The following CERT1 variants were observed in gnomAD, a reference collection of about 807,000 sequenced individuals.
CERT1 encodes the protein ceramide transporter 1.
A neutral mutation model predicts 87.9 loss-of-function variants in CERT1; 31 were observed. The ratio of observed to expected loss-of-function variants is 0.35; its 90% confidence interval spans 0.27 to 0.48. The LOEUF is 0.48. Among genes scored for constraint, CERT1 ranks in the 20% least tolerant of loss-of-function variants. CERT1 has a pLI of 0.99. For synonymous variants in CERT1, 289 were observed against 250.9 expected (o/e 1.15, Z -1.44); for missense variants, 487 against 758.0 (o/e 0.64, Z 4.20).
At chr5:75,381,285 A>G (rs756017060) in intron 15 of CERT1, 84 bp from the exon 16 acceptor site, 4 of 1,455,524 alleles carry the variant, frequency 2.7e-6, no homozygotes, top group Non-Finnish European at 2.9e-6. Context: ...GGTTAACCAA[A>G]ATCGTAACTC....
At chr5:75,443,821 GTC>G (rs1764421007) in intron 3 of CERT1, among the ~76,000 whole-genome samples, 1 of 152,054 alleles carries the variant, frequency 6.6e-6, no homozygotes, top group Non-Finnish European at 1.5e-5. Flanking sequence ...TATTTTGATG[GTC>G]TGTCATTAGA....
chr5:75,498,310 A>C (rs1480934529), intron 2 of CERT1, among the ~76,000 whole-genome samples: 1 of 152,224 alleles, frequency 6.6e-6, no homozygotes, highest in East Asian at 1.9e-4. Context: ...CATAAGTAAC[A>C]AGGAGCTAAA....
At chr5:75,410,460 A>T (rs566698682) in intron 8 of CERT1, among the ~76,000 whole-genome samples, 1 of 152,160 alleles carries the variant, frequency 6.6e-6, no homozygotes, top group East Asian at 1.9e-4. Context: ...ATACAAAAAA[A>T]TTAGCCAGGC....
In CERT1 at chr5:75,506,032, T is replaced by A; in HGVS notation, c.181A>T (p.Thr61Ser). The A allele has an allele frequency of 6.2e-7, 1 of 1,613,814 alleles. No homozygotes were observed. Among genetic ancestry groups the A allele is most frequent in the Non-Finnish European group, 8.5e-7 (1 of 1,179,756 alleles). ...ATGGATCCTCTGCAGCCATACTCTG[T>A]TTCATCTTCAGATTTGTAGTAACTC... ...ALSYYKSEDETEYGCRGSICL... is the reference protein window; with the variant it reads ...ALSYYKSEDESEYGCRGSICL... Residue 61 changes from threonine (T) to serine (S), a missense_variant, in exon 2 of 17, where the codon ACA (threonine) becomes TCA (serine). By Grantham distance (58) the Thr-to-Ser change is moderately conservative. Transcript: ENST00000643780.
downstream of CERT1, chr5:75,375,306 G>C (rs185305912): frequency 6.6e-6 from 1 of 152,096 alleles, no homozygotes; most frequent in East Asian, 1.9e-4. Context: ...TTTTACTGGC[G>C]GGGCTAGGTG....
At chr5:75,482,310 G>A (rs1047141432) in intron 2 of CERT1, among the ~76,000 whole-genome samples, 3 of 152,150 alleles carry the variant, frequency 2.0e-5, no homozygotes, top group Non-Finnish European at 2.9e-5. Context: ...GTTAACACAC[G>A]AAGGCACTCT....
At chr5:75,450,431 A>G (rs775849673) in intron 3 of CERT1, among the ~76,000 whole-genome samples, 4 of 152,200 alleles carry the variant, frequency 2.6e-5, no homozygotes, top group Non-Finnish European at 4.4e-5. Context: ...GAAAGAAACC[A>G]AAGTATTTTC....
intron 17 of CERT1, chr5:75,371,973 T>G (rs1270804555): frequency 6.6e-6 from 1 of 152,212 alleles, no homozygotes; most frequent in Non-Finnish European, 1.5e-5. Context: ...TGGGTGGGAT[T>G]AACTCTAGTG....
In CERT1 at chr5:75,511,278, C is replaced by T. The variant is rs548123904; in HGVS notation, c.-71G>A. 1.3e-6 allele frequency: 2 copies of T among 1,584,002 alleles called. No homozygotes were observed. Among genetic ancestry groups the T allele is most frequent in the Admixed American group, 3.7e-5 (2 of 54,618 alleles). ...TGCGCCGGAGGAGGCGCCCAGTCCT[C>T]GGGGTGAAGGGTCGGGGGATGGCGA... On this transcript the variant is annotated 5_prime_UTR_variant, in exon 1 of 17. Coordinates refer to ENST00000643780, the MANE Select transcript of CERT1 (RefSeq NM_001379029.1).
intron 3 of CERT1, among the ~76,000 whole-genome samples, chr5:75,430,907 G>A (rs367785694): frequency 6.6e-6 from 1 of 152,064 alleles, no homozygotes; most frequent in African/African-American, 2.4e-5. Flanking sequence ...GGGGCATTGT[G>A]GTGTGCTCCT....
intron 8 of CERT1, among the ~76,000 whole-genome samples, chr5:75,406,129 T>C (rs1417381458): frequency 6.6e-6 from 1 of 152,240 alleles, no homozygotes; most frequent in African/African-American, 2.4e-5. Context: ...TTAAAACCTA[T>C]TGTCTCAGGA....
intron 14 of CERT1, 138 bp from the exon 15 acceptor site, chr5:75,382,215 T>C (rs1188571859): frequency 2.9e-6 from 2 of 701,444 alleles, no homozygotes; most frequent in Non-Finnish European, 4.7e-6. Context: ...ATCTACCAAA[T>C]GATTAATTAT....
At chr5:75,396,479 C>G (rs568776874) in intron 11 of CERT1, among the ~76,000 whole-genome samples, 22 of 152,120 alleles carry the variant, frequency 1.4e-4, no homozygotes, top group African/African-American at 5.3e-4. Flanking sequence ...GTAATCCCAG[C>G]ACTTTGGGAG....
chr5:75,387,674 G>A (rs1183620009), intron 12 of CERT1, among the ~76,000 whole-genome samples: 4 of 151,496 alleles, frequency 2.6e-5, no homozygotes, highest in Non-Finnish European at 5.9e-5. Flanking sequence ...CCCAGGAGGC[G>A]GAGGCTGCGA....
At chr5:75,499,764 C>T (rs916523651) in intron 2 of CERT1, among the ~76,000 whole-genome samples, 4 of 152,126 alleles carry the variant, frequency 2.6e-5, no homozygotes, top group Non-Finnish European at 4.4e-5. Context: ...ATAAAATGCA[C>T]CACATATACA....
chr5:75,419,514 T>A, intron 5 of CERT1, 90 bp from the exon 6 acceptor site: 2 of 850,162 alleles, frequency 2.4e-6, no homozygotes, highest in Non-Finnish European at 3.8e-6. Context: ...TTACTCTGGA[T>A]TCTGATTCTG....
At chr5:75,403,368 T>C (rs1762576488) in intron 8 of CERT1, among the ~76,000 whole-genome samples, 1 of 152,272 alleles carries the variant, frequency 6.6e-6, no homozygotes, top group African/African-American at 2.4e-5. Context: ...CCTACTTTTG[T>C]ACAGCCTGTG....
At position 75,396,985 on chromosome 5, in the gene CERT1, T is replaced by C. The variant is rs114253542; in HGVS notation, c.1188+2325A>G. Reference sequence around the variant, plus strand: ...AACTCCAGATCTACATCCAATGCTATATTCTCAAGTGTGACTATACAGAAT... The same window carrying C: ...AACTCCAGATCTACATCCAATGCTACATTCTCAAGTGTGACTATACAGAAT... On this transcript the variant is annotated intron_variant, in intron 11 of 16. Transcript: ENST00000643780. Among the ~76,000 whole-genome samples, 668 of 152,328 alleles carry C rather than the reference T, an allele frequency of 4.4e-3. 1 individual carries two copies. The highest frequency in any genetic ancestry group is 0.015 in the South Asian group (74 of 4,832).
Position 75,398,014 on chromosome 5 carries a change from G to C in CERT1, c.1188+1296C>G, listed in dbSNP as rs376575641. Among the ~76,000 whole-genome samples the C allele has an allele frequency of 5.3e-5, 8 of 151,940 alleles. No homozygotes were observed. The East Asian group carries it at 1.2e-3, about 22-fold the overall frequency. On this transcript the variant is annotated intron_variant, in intron 11 of 16. Coordinates refer to ENST00000643780, the MANE Select transcript of CERT1 (RefSeq NM_001379029.1). Reference sequence around the variant, plus strand: ...AGCCTGGGCAACAGAGCAAGACCCTGTCTCGAAAATAAATAAGTAAAATTA... The same window carrying C: ...AGCCTGGGCAACAGAGCAAGACCCTCTCTCGAAAATAAATAAGTAAAATTA...
Sources: allele counts gnomAD v4.1 joint callset (sites outside exome capture counted in the v4.1 genomes callset), GRCh38; gene constraint gnomAD v4.1.1; transcripts MANE v1.5; gene names NCBI Gene and HGNC (gene_info 2026-07-23, HGNC 2026-07-21).